Variants in SGCD observed in about 807,000 individuals in gnomAD.
The protein encoded by SGCD is sarcoglycan delta.
In SGCD, 18 loss-of-function variants were observed where a neutral mutation model predicts 36.6. The ratio of observed to expected loss-of-function variants is 0.49; its 90% CI spans 0.34 to 0.73. The LOEUF (loss-of-function observed/expected upper bound fraction) is 0.73. Among genes scored for constraint, SGCD ranks in the 30% least tolerant of loss-of-function variants. The probability of loss-of-function intolerance (pLI) is 0.01; values close to 1 mark genes in which losing one functional copy is unlikely to be tolerated. For missense variants in SGCD, 387 were observed against 346.7 expected (o/e 1.12, Z -0.92); for synonymous variants, 133 against 130.6 (o/e 1.02, Z -0.12).
chr5:156,235,633 C>T (rs1237540122), intron 3 of SGCD, among the ~76,000 whole-genome samples: 1 of 152,116 alleles, frequency 6.6e-6, no homozygotes, highest in African/African-American at 2.4e-5. Context: ...CTTCTCTTCC[C>T]TACAGATGCT....
intron 3 of SGCD, among the ~76,000 whole-genome samples, chr5:156,180,687 A>G (rs1763587065): frequency 6.6e-6 from 1 of 152,214 alleles, no homozygotes; most frequent in South Asian, 2.1e-4. Context: ...GTTTATGTAC[A>G]TGAGGGCCAT....
intron 1 of SGCD, among the ~76,000 whole-genome samples, chr5:155,906,088 TTTTTCA>T (rs2113347127): frequency 6.6e-6 from 1 of 152,286 alleles, no homozygotes. Context: ...TCCTTCAAAC[TTTTTCA>T]TTATTATTAT....
intron 1 of SGCD, among the ~76,000 whole-genome samples, chr5:156,047,545 C>G (rs1174627067): frequency 1.3e-5 from 2 of 152,098 alleles, no homozygotes; most frequent in Non-Finnish European, 2.9e-5. Context: ...TCTACTCTGC[C>G]TATGCCCTAG....
At chr5:156,382,640 T>C (rs990454937) in intron 3 of SGCD, among the ~76,000 whole-genome samples, 1 of 152,136 alleles carries the variant, frequency 6.6e-6, no homozygotes, top group Admixed American at 6.6e-5. Context: ...GTTATAATAA[T>C]AATAGTAGGG....
intron 1 of SGCD, among the ~76,000 whole-genome samples, chr5:156,102,199 G>A (rs1451077904): frequency 6.6e-6 from 1 of 151,882 alleles, no homozygotes; most frequent in African/African-American, 2.4e-5. Flanking sequence ...TCATTGAGGT[G>A]TATTTCCAAA....
intron 3 of SGCD, among the ~76,000 whole-genome samples, chr5:156,442,110 G>T (rs1247336724): frequency 2.0e-5 from 3 of 152,172 alleles, no homozygotes; most frequent in Non-Finnish European, 1.5e-5. Context: ...GGAAATAATA[G>T]ATTTAGCTCA....
At chr5:156,287,330 C>G (rs1766634634) in intron 3 of SGCD, among the ~76,000 whole-genome samples, 1 of 152,058 alleles carries the variant, frequency 6.6e-6, no homozygotes, top group Non-Finnish European at 1.5e-5. Context: ...ATGCAAACAG[C>G]TTTTTGGGAT....
chr5:155,892,728 C>A (rs199895849), intron 1 of SGCD, among the ~76,000 whole-genome samples: 10 of 152,284 alleles, frequency 6.6e-5, no homozygotes, highest in Non-Finnish European at 1.3e-4. Flanking sequence ...ACCTGTCTTG[C>A]AAATTTGCAA....
chr5:156,314,228 G>A (rs7737496), intron 3 of SGCD, among the ~76,000 whole-genome samples: 32,998 of 151,770 alleles, frequency 0.22, 3,966 homozygotes, highest in African/African-American at 0.32. Context: ...TGTGATGTTC[G>A]AGGCTATACT....
intron 3 of SGCD, among the ~76,000 whole-genome samples, chr5:156,165,645 G>T (rs978491510): frequency 1.9e-4 from 29 of 152,142 alleles, no homozygotes; most frequent in African/African-American, 6.8e-4. Context: ...CTTCAGACCT[G>T]GGTGATATTG....
chr5:156,222,993 C>T (rs1029773647), intron 3 of SGCD, among the ~76,000 whole-genome samples: 8 of 152,082 alleles, frequency 5.3e-5, no homozygotes, highest in African/African-American at 1.9e-4. Flanking sequence ...CCTCCCCCTA[C>T]CCACCCAACA....
chr5:156,173,524 G>A (rs1163151865), intron 3 of SGCD, among the ~76,000 whole-genome samples: 2 of 152,058 alleles, frequency 1.3e-5, no homozygotes. Context: ...TCTAAATGCT[G>A]TTACATCCAG....
intron 3 of SGCD, among the ~76,000 whole-genome samples, chr5:156,498,790 G>A (rs1337128078): frequency 6.6e-6 from 1 of 152,194 alleles, no homozygotes; most frequent in Non-Finnish European, 1.5e-5. Context: ...AGAGCCCAGA[G>A]TGGAATTGCT....
At chr5:156,024,705 C>T (rs1759187398) in intron 1 of SGCD, among the ~76,000 whole-genome samples, 1 of 152,164 alleles carries the variant, frequency 6.6e-6, no homozygotes, top group Non-Finnish European at 1.5e-5. Flanking sequence ...CACAGTGGCT[C>T]ATGCCTGTAA....
At chr5:156,137,114 G>T (rs960379161) in intron 3 of SGCD, among the ~76,000 whole-genome samples, 1 of 152,182 alleles carries the variant, frequency 6.6e-6, no homozygotes, top group Non-Finnish European at 1.5e-5. Flanking sequence ...AGGACAAAAC[G>T]AGAGGGTTCT....
chr5:155,767,744 A>C, the SGCD span, among the ~76,000 whole-genome samples: 151 of 152,294 alleles, frequency 9.9e-4, 1 homozygote, highest in African/African-American at 3.3e-3. Flanking sequence ...TGTTCTGATT[A>C]CTAACTTCTG....
At chr5:156,013,960 A>G (rs1429937074) in intron 1 of SGCD, among the ~76,000 whole-genome samples, 6 of 148,832 alleles carry the variant, frequency 4.0e-5, no homozygotes, top group Admixed American at 6.7e-5. Flanking sequence ...TGTCTCCGAG[A>G]TATGTTTTGG....
intron 3 of SGCD, among the ~76,000 whole-genome samples, chr5:156,280,786 G>A (rs1467129592): frequency 6.6e-6 from 1 of 152,146 alleles, no homozygotes; most frequent in Non-Finnish European, 1.5e-5. Context: ...ATTAAGAATA[G>A]AATTCCTACC....
intron 3 of SGCD, among the ~76,000 whole-genome samples, chr5:156,469,613 C>A (rs777669964): frequency 6.6e-6 from 1 of 152,114 alleles, no homozygotes; most frequent in Non-Finnish European, 1.5e-5. Flanking sequence ...ATAGCTAATA[C>A]GCATTTATCT....
Sources: allele counts gnomAD v4.1 joint callset (sites outside exome capture counted in the v4.1 genomes callset), GRCh38; gene constraint gnomAD v4.1.1; transcripts MANE v1.5; gene names NCBI Gene and HGNC (gene_info 2026-07-23, HGNC 2026-07-21).